The following DPYS variants were observed in gnomAD, a reference collection of about 807,000 sequenced individuals.
The protein encoded by DPYS is dihydropyrimidinase.
A neutral mutation model predicts 50.3 loss-of-function variants in DPYS; 39 were observed. The ratio of observed to expected loss-of-function variants is 0.78; its 90% CI spans 0.60 to 1.01. The LOEUF (loss-of-function observed/expected upper bound fraction) is 1.01. Among genes scored for constraint, DPYS ranks in the 50% least tolerant of loss-of-function variants. DPYS has a pLI of 0.00. For missense variants in DPYS, 659 were observed against 680.9 expected (o/e 0.97, Z 0.36); for synonymous variants, 245 against 250.7 (o/e 0.98, Z 0.22).
chr8:104,427,826 G>T (rs1426802906), intron 6 of DPYS, among the ~76,000 whole-genome samples, 154 bp downstream of exon 6: 4 of 152,174 alleles, frequency 2.6e-5, no homozygotes, highest in African/African-American at 9.7e-5. Flanking sequence ...GGATGGAATG[G>T]TGGTCGAGGT....
At chr8:104,393,868 C>T (rs958251328) in intron 7 of DPYS, among the ~76,000 whole-genome samples, 4 of 152,074 alleles carry the variant, frequency 2.6e-5, no homozygotes, top group African/African-American at 9.7e-5. Context: ...TGAGTAAGTT[C>T]TTTAGTGGTG....
At chr8:104,443,402 A>G (rs912275699) in intron 4 of DPYS, among the ~76,000 whole-genome samples, 3 of 152,226 alleles carry the variant, frequency 2.0e-5, no homozygotes, top group African/African-American at 7.2e-5. Context: ...CTTAGATTTT[A>G]AAATCTTAAA....
intron 1 of DPYS, among the ~76,000 whole-genome samples, chr8:104,452,045 A>T (rs143672781): frequency 6.6e-6 from 1 of 152,268 alleles, no homozygotes; most frequent in Non-Finnish European, 1.5e-5. Flanking sequence ...CGAGAGAGAT[A>T]TTTCCAAAGC....
intron 4 of DPYS, among the ~76,000 whole-genome samples, chr8:104,442,451 C>T (rs1588448368): frequency 6.6e-6 from 1 of 152,314 alleles, no homozygotes; most frequent in South Asian, 2.1e-4. Context: ...CGGTACACGA[C>T]TTAACAAAGG....
chr8:104,458,022 C>T (rs1186455265), intron 1 of DPYS, among the ~76,000 whole-genome samples: 2 of 152,062 alleles, frequency 1.3e-5, no homozygotes, highest in East Asian at 1.9e-4. Flanking sequence ...TGGACTAGCA[C>T]AGTGAAGAAA....
chr8:104,411,658 G>A (rs991175103), intron 7 of DPYS: 3 of 152,190 alleles, frequency 2.0e-5, no homozygotes, highest in African/African-American at 7.2e-5. Context: ...ATAAAACAAA[G>A]CTATTTATTA....
At chr8:104,401,636 A>G (rs1811812521) in intron 7 of DPYS, among the ~76,000 whole-genome samples, 1 of 152,218 alleles carries the variant, frequency 6.6e-6, no homozygotes. Flanking sequence ...TAAAGGATTT[A>G]GGATGCTATT....
chr8:104,461,773 C>T (rs1814180493), intron 1 of DPYS, among the ~76,000 whole-genome samples: 1 of 152,090 alleles, frequency 6.6e-6, no homozygotes, highest in Admixed American at 6.5e-5. Context: ...AAGGAATATG[C>T]AGGCTGGAGA....
intron 1 of DPYS, among the ~76,000 whole-genome samples, chr8:104,452,396 A>G (rs1813775440): frequency 6.6e-6 from 1 of 152,228 alleles, no homozygotes; most frequent in South Asian, 2.1e-4. Flanking sequence ...GCTCACGGAC[A>G]CCAGGGTACA....
chr8:104,399,300 A>C lies in DPYS; in HGVS notation c.1236-6309T>G, dbSNP rs1811702354. On this transcript the variant is annotated intron_variant, in intron 7 of 9. Coordinates refer to ENST00000351513, the MANE Select transcript of DPYS (RefSeq NM_001385.3). ...AGTGAGACTCCATCTCAAAAAAAAAAAAAAAAAAAACAACAACAAAAAAAA... is the reference window on the plus strand; with the variant it reads ...AGTGAGACTCCATCTCAAAAAAAAACAAAAAAAAAACAACAACAAAAAAAA... Among the ~76,000 whole-genome samples, 3 of 42,582 alleles carry C rather than the reference A, an allele frequency of 7.0e-5. 1 individual carries two copies. The highest frequency in any genetic ancestry group is 6.4e-4 in the South Asian group (1 of 1,572). The allele number at this position is 42,582 out of a possible 152,430, so 27.9% of individuals were successfully genotyped here.
intron 2 of DPYS, 72 bp from the exon 3 acceptor site, chr8:104,447,575 A>G: frequency 1.3e-6 from 2 of 1,550,174 alleles, no homozygotes; most frequent in Non-Finnish European, 1.8e-6. Context: ...CTTCTCTAAA[A>G]CGTTGCATTC....
intron 7 of DPYS, among the ~76,000 whole-genome samples, chr8:104,412,333 T>C (rs1401087433): frequency 6.6e-6 from 1 of 152,166 alleles, no homozygotes; most frequent in Admixed American, 6.5e-5. Flanking sequence ...TTAGCTTCTA[T>C]GTGATGAGCT....
At chr8:104,402,706 AG>A (rs1273781560) in intron 7 of DPYS, among the ~76,000 whole-genome samples, 1 of 152,182 alleles carries the variant, frequency 6.6e-6, no homozygotes, top group Non-Finnish European at 1.5e-5. Context: ...AGTACACAAT[AG>A]GCCAGGGACT....
intron 5 of DPYS, 101 bp downstream of exon 5, chr8:104,429,444 A>T: frequency 1.3e-6 from 2 of 1,515,290 alleles, no homozygotes; most frequent in Non-Finnish European, 1.8e-6. Flanking sequence ...GTAGAAGAGA[A>T]TACTGGGAGG....
rs1156490197 is a variant in DPYS at position 104,379,698 on chromosome 8, T to C, written c.*160A>G. 1 of 424,906 alleles carries C rather than the reference T, an allele frequency of 2.4e-6. No individual in the cohort carries two copies. The highest frequency in any genetic ancestry group is 2.1e-5 in the African/African-American group (1 of 48,706). The allele number at this position is 424,906 out of a possible 1,614,324, so 26.3% of individuals were successfully genotyped here. A position where few individuals can be genotyped will look rare whatever the true frequency, so the allele number is the denominator to read the frequency against. ...AAAAACACAGTGAGAAAGACAGCAA[T>C]TGCTTCTGAAAGAAAATCAAAGAAG... On this transcript the variant is annotated 3_prime_UTR_variant, in exon 10 of 10. Transcript: ENST00000351513.
Position 104,429,349 on chromosome 8 carries a change from A to G in DPYS, c.950+196T>C. The G allele has an allele frequency of 4.8e-6, 3 of 621,420 alleles. No individual in the cohort carries two copies. The South Asian group carries it at 6.1e-5, about 13-fold the overall frequency. The allele number at this position is 621,420 out of a possible 1,614,324, so 38.5% of individuals were successfully genotyped here. On this transcript the variant is annotated intron_variant, in intron 5 of 9. Coordinates refer to ENST00000351513, the MANE Select transcript of DPYS (RefSeq NM_001385.3). ...ACGATCTGATTTCTGAGAGTCTAGG[A>G]AAGGCTTTGACAACATATCACAGCA...
At chr8:104,446,264 T>A (rs1321057999) in intron 3 of DPYS, among the ~76,000 whole-genome samples, 2 of 152,042 alleles carry the variant, frequency 1.3e-5, no homozygotes, top group African/African-American at 4.8e-5. Context: ...AATAAAAAAA[T>A]TTAAAAAGAA....
At chr8:104,457,465 AG>A (rs1352719449) in intron 1 of DPYS, among the ~76,000 whole-genome samples, 1 of 152,220 alleles carries the variant, frequency 6.6e-6, no homozygotes, top group African/African-American at 2.4e-5. Flanking sequence ...AGGTAACTGG[AG>A]AAATTGAAAC....
chr8:104,405,156 G>C (rs1811953448), intron 7 of DPYS, among the ~76,000 whole-genome samples: 1 of 152,182 alleles, frequency 6.6e-6, no homozygotes, highest in Non-Finnish European at 1.5e-5. Context: ...GTCGGGTGTG[G>C]CCACTATCCA....
Sources: allele counts gnomAD v4.1 joint callset (sites outside exome capture counted in the v4.1 genomes callset), GRCh38; gene constraint gnomAD v4.1.1; transcripts MANE v1.5; gene names NCBI Gene and HGNC (gene_info 2026-07-23, HGNC 2026-07-21).